The following ADCY7 variants were observed in gnomAD, a reference collection of about 807,000 sequenced individuals.
The protein encoded by ADCY7 is adenylate cyclase type 7.
ADCY7 carries 72 observed loss-of-function variants against 120.6 expected under a neutral mutation model. That is an observed-to-expected ratio of 0.60 (90% CI 0.49 to 0.73). ADCY7 has a LOEUF of 0.73. ADCY7 is among the 30% of genes least tolerant of loss of function. The pLI is 0.00. For synonymous variants in ADCY7, 661 were observed against 628.0 expected, an observed-to-expected ratio of 1.05 and a Z score of -0.78; for missense variants, 1,227 against 1,486.0, an observed-to-expected ratio of 0.83 and a Z score of 2.87.
chr16:50,275,390 G>A (rs1217714062), intron 1 of ADCY7, among the ~76,000 whole-genome samples: 1 of 152,202 alleles, frequency 6.6e-6, no homozygotes, highest in African/African-American at 2.4e-5. Context: ...GGCTCTACAG[G>A]CCACAGCTAC....
At chr16:50,301,240 G>A in intron 10 of ADCY7, 26 bp downstream of exon 10, 1 of 754,480 alleles carries the variant, frequency 1.3e-6, no homozygotes, top group Non-Finnish European at 1.8e-6. Context: ...GGCCGCAGCT[G>A]GGGGGGACCC....
At chr16:50,301,383 G>A (rs1415950242) in intron 10 of ADCY7, among the ~76,000 whole-genome samples, 169 bp downstream of exon 10, 5 of 152,184 alleles carry the variant, frequency 3.3e-5, no homozygotes, top group Non-Finnish European at 7.4e-5. Flanking sequence ...TAGGCACCGA[G>A]TAGCCACTCC....
At chr16:50,287,631 G>A (rs1437189730) in intron 1 of ADCY7, among the ~76,000 whole-genome samples, 1 of 149,198 alleles carries the variant, frequency 6.7e-6, no homozygotes, top group Non-Finnish European at 1.5e-5. Flanking sequence ...AGTGAGCTAT[G>A]ATCGTGCCAC....
intron 20 of ADCY7, 68 bp from the exon 21 acceptor site, chr16:50,311,968 A>T: frequency 6.3e-7 from 1 of 1,595,066 alleles, no homozygotes; most frequent in Non-Finnish European, 8.6e-7. Context: ...AGACCTGGCT[A>T]GGAGATGCAC....
At chr16:50,247,433 C>T (rs917628275) in intron 1 of ADCY7, among the ~76,000 whole-genome samples, 2 of 152,060 alleles carry the variant, frequency 1.3e-5, no homozygotes, top group Non-Finnish European at 2.9e-5. Context: ...ACAATCATGG[C>T]TTACGGCAAC....
At chr16:50,281,395 G>A (rs531057591) in intron 1 of ADCY7, among the ~76,000 whole-genome samples, 5 of 152,130 alleles carry the variant, frequency 3.3e-5, no homozygotes, top group African/African-American at 9.7e-5. Flanking sequence ...AGGCAGGTGC[G>A]GCAGGTGCAG....
In ADCY7 at chr16:50,315,397, G is replaced by C; in HGVS notation, c.3135G>C (p.Gly1045=). The C allele has an allele frequency of 2.5e-6, 4 of 1,613,832 alleles. No homozygotes were observed. The highest frequency in any genetic ancestry group is 3.4e-6 in the Non-Finnish European group (4 of 1,179,728). The change falls in exon 26 of 26, where the codon GGG becomes GGC. Residue 1045 remains glycine, a synonymous_variant. Transcript: ENST00000673801. ...EETCTILQGL[G]YSCECRGLIN... is the part of the protein sequence containing the mutation. ...CCTGCACCATCCTCCAGGGCCTCGG[G>C]TACTCTTGTGAATGCCGTGGCCTGA...
upstream of ADCY7, among the ~76,000 whole-genome samples, chr16:50,245,047 C>A (rs2032539225): frequency 6.6e-6 from 1 of 152,220 alleles, no homozygotes; most frequent in African/African-American, 2.4e-5. Flanking sequence ...CGTGGGTGGC[C>A]TGAGGCTGGG....
At chr16:50,256,504 A>G (rs977831563) in intron 1 of ADCY7, among the ~76,000 whole-genome samples, 6 of 152,132 alleles carry the variant, frequency 3.9e-5, no homozygotes, top group African/African-American at 1.4e-4. Flanking sequence ...GGAGTTTGAG[A>G]CCAGCCTGGG....
chr16:50,298,082 C>T (rs769067140), intron 7 of ADCY7, among the ~76,000 whole-genome samples: 18 of 152,028 alleles, frequency 1.2e-4, no homozygotes, highest in Non-Finnish European at 1.9e-4. Context: ...TCCCCACCCT[C>T]GCCGCTCTCC....
intron 23 of ADCY7, 88 bp from the exon 24 acceptor site, chr16:50,314,204 G>A (rs1426471219): frequency 2.3e-5 from 33 of 1,437,156 alleles, no homozygotes; most frequent in Admixed American, 1.1e-4. Flanking sequence ...TTTAGTGGTG[G>A]GGATCCTCAA....
At position 50,317,614 on chromosome 16, in the gene ADCY7, GA is replaced by G. The variant is rs1372347123; in HGVS notation, c.*2110del. ...AAAGCAAAGCACTGTGCTGTGCTCA[GA>G]TAATAATAGTTTGTAAGTAAAAGTT... On this transcript the variant is annotated 3_prime_UTR_variant, in exon 26 of 26. Transcript: ENST00000673801. 6 of 152,406 alleles carry G rather than the reference GA, an allele frequency of 3.9e-5. No homozygotes were observed. The East Asian group carries it at 1.1e-3, about 29-fold the overall frequency. The allele number at this position is 152,406 out of a possible 1,614,324, so 9.4% of individuals were successfully genotyped here.
chr16:50,262,559 T>G (rs536528547), upstream of ADCY7, among the ~76,000 whole-genome samples: 22 of 152,268 alleles, frequency 1.4e-4, no homozygotes, highest in Non-Finnish European at 1.2e-4. Flanking sequence ...ACTCCTGGCC[T>G]CAAGTGATCC....
intron 16 of ADCY7, 44 bp from the exon 17 acceptor site, chr16:50,308,623 C>T: frequency 6.3e-7 from 1 of 1,586,320 alleles, no homozygotes; most frequent in African/African-American, 1.3e-5. Flanking sequence ...GCCCTCCTTG[C>T]CCAGGCTGTT....
At chr16:50,312,223 G>A (rs1467622400) in intron 21 of ADCY7, 32 bp downstream of exon 21, 3 of 1,611,898 alleles carry the variant, frequency 1.9e-6, no homozygotes, top group South Asian at 2.2e-5. Flanking sequence ...GCGGGGGCAG[G>A]GAGGCGGACG....
intron 1 of ADCY7, among the ~76,000 whole-genome samples, chr16:50,253,635 G>A (rs1367220755): frequency 6.6e-6 from 1 of 152,230 alleles, no homozygotes; most frequent in Non-Finnish European, 1.5e-5. Context: ...GGAGTGTGGA[G>A]GTCTTGGGCA....
At chr16:50,260,223 C>T (rs2033024565) in intron 1 of ADCY7, among the ~76,000 whole-genome samples, 4 of 152,212 alleles carry the variant, frequency 2.6e-5, no homozygotes, top group African/African-American at 7.2e-5. Flanking sequence ...TCGTGAGGTC[C>T]TGTGGTGCTG....
chr16:50,305,539 G>T lies in ADCY7; in HGVS notation c.1632G>T (p.Ser544=). ...MSPKGRSEDD[S]YDDEMLSAIE... ...CCAAGGGGCGGTCGGAGGATGACTC[G>T]TACGATGACGAGATGCTGTCAGCCA... The change falls in exon 13 of 26, where the codon TCG becomes TCT. Residue 544 remains serine, a synonymous_variant. Transcript: ENST00000673801. 6.2e-7 allele frequency: 1 copy of T among 1,609,492 alleles called. No individual in the cohort carries two copies. Among genetic ancestry groups the T allele is most frequent in the Non-Finnish European group, 8.5e-7 (1 of 1,177,604 alleles).
Position 50,291,886 on chromosome 16 carries a change from G to A in ADCY7, c.526G>A (p.Val176Met). Residue 176 changes from valine to methionine, a missense_variant, in exon 4 of 26, where the codon GTG becomes ATG. This residue lies in a region of ADCY7 where 382 missense variants were observed against 411.4 expected (regional missense o/e 0.93). Coordinates refer to ENST00000673801, the MANE Select transcript of ADCY7 (RefSeq NM_001114.5). ...AGGCTTCACGACACCCAGTGTCCGGGTGGGGCTGCAGGTGAGGGATGGGCT... is the reference window on the plus strand; with the variant it reads ...AGGCTTCACGACACCCAGTGTCCGGATGGGGCTGCAGGTGAGGGATGGGCT... ...MGGFTTPSVR[V>M]GLQLLANAVI... 2 of 1,611,460 alleles carry A rather than the reference G, an allele frequency of 1.2e-6. No homozygotes were observed. The highest frequency in any genetic ancestry group is 1.7e-6 in the Non-Finnish European group (2 of 1,178,416).
Sources: gnomAD v4.1 joint callset for allele counts (sites outside exome capture counted in the v4.1 genomes callset) on GRCh38, gnomAD v4.1.1 for gene constraint, gnomAD v4.1.1 regional missense constraint, MANE v1.5 for transcripts, NCBI Gene and HGNC (gene_info 2026-07-23, HGNC 2026-07-21) for gene names.